Variants in CTH observed in about 807,000 individuals in gnomAD.
The protein encoded by CTH is cystathionine gamma-lyase, also known as cystathionase (cystathionine gamma-lyase).
Under a neutral mutation model 50.6 loss-of-function variants are expected in CTH, and 41 were observed. That is an observed-to-expected ratio of 0.81 (90% confidence interval 0.63 to 1.05). The LOEUF is 1.05. Among genes scored for constraint, CTH ranks in the 50% least tolerant of loss-of-function variants. The probability of loss-of-function intolerance (pLI) is 0.00; values close to 1 mark genes in which losing one functional copy is unlikely to be tolerated. For synonymous variants in CTH, 156 were observed against 168.9 expected, an observed-to-expected ratio of 0.92 and a Z score of 0.59; for missense variants, 470 against 492.6, an observed-to-expected ratio of 0.95 and a Z score of 0.43.
At chr1:70,437,990 C>G (rs1209711190) in intron 10 of CTH, among the ~76,000 whole-genome samples, 1 of 152,204 alleles carries the variant, frequency 6.6e-6, no homozygotes, top group South Asian at 2.1e-4. Context: ...ATTGTCATCG[C>G]TTTTACCTCC....
At chr1:70,414,843 A>G (rs1684054436) in intron 1 of CTH, among the ~76,000 whole-genome samples, 2 of 151,858 alleles carry the variant, frequency 1.3e-5, no homozygotes, top group Admixed American at 1.3e-4. Context: ...TTCCCGAGAC[A>G]GAGTCTCGCT....
intron 7 of CTH, among the ~76,000 whole-genome samples, chr1:70,431,438 C>T (rs1352085020): frequency 6.6e-6 from 1 of 151,902 alleles, no homozygotes; most frequent in Non-Finnish European, 1.5e-5. Context: ...TTACATTTTT[C>T]AATAGATGTC....
intron 10 of CTH, among the ~76,000 whole-genome samples, chr1:70,436,582 G>A (rs74085252): frequency 0.078 from 11,891 of 151,786 alleles, 541 homozygotes; most frequent in East Asian, 0.18. Flanking sequence ...GTGGAGAAAT[G>A]TCAGGTCCCA....
chr1:70,416,160 C>A, intron 2 of CTH, 123 bp downstream of exon 2: 1 of 680,496 alleles, frequency 1.5e-6, no homozygotes, highest in Non-Finnish European at 2.7e-6. Context: ...GTTCTACTGC[C>A]TTTGAATTCT....
At chr1:70,411,614 G>A (rs762423252) in intron 1 of CTH, 31 bp downstream of exon 1, 1 of 1,602,956 alleles carries the variant, frequency 6.2e-7, no homozygotes, top group African/African-American at 1.3e-5. Flanking sequence ...GCTGTCCACA[G>A]TTGGGCGGTA....
At position 70,432,105 on chromosome 1, in the gene CTH, TATTG is replaced by T. The variant is rs776956385; in HGVS notation, c.752_755del (p.Asp251ValfsTer8). 1 of 1,614,124 alleles carries T rather than the reference TATTG, an allele frequency of 6.2e-7. No individual in the cohort carries two copies. The highest frequency in any genetic ancestry group is 8.5e-7 in the Non-Finnish European group (1 of 1,180,006). On this transcript the variant is annotated frameshift_variant, in exon 8 of 12. Transcript: ENST00000370938. LOFTEE classifies it high-confidence loss of function. ...CAGCTCTTGGAGCAGTTCCATCTCC[TATTG>T]ATTGTTACCTCTGCAATCGAGGTCT...
In CTH at chr1:70,439,202, G is replaced by A. The variant is rs1684667249; in HGVS notation, c.*75G>A. 3 of 1,400,304 alleles carry A rather than the reference G, an allele frequency of 2.1e-6. No individual in the cohort carries two copies. In the South Asian group the frequency reaches 3.5e-5, roughly 16 times the overall value. 86.7% of individuals were successfully genotyped at this position (1,400,304 alleles called of 1,614,324 possible). On this transcript the variant is annotated 3_prime_UTR_variant, in exon 12 of 12. Coordinates refer to ENST00000370938, the MANE Select transcript of CTH (RefSeq NM_001902.6). ...CTGAGTAATTAAATGGACCAACAATGAGCCTTTGCAAAATTTTCAAGCGGA... is the reference window on the plus strand; with the variant it reads ...CTGAGTAATTAAATGGACCAACAATAAGCCTTTGCAAAATTTTCAAGCGGA...
In CTH at chr1:70,432,151, C is replaced by G; in HGVS notation, c.793C>G (p.Arg265Gly). The G allele has an allele frequency of 6.2e-7, 1 of 1,614,054 alleles. No homozygotes were observed. The highest frequency in any genetic ancestry group is 8.5e-7 in the Non-Finnish European group (1 of 1,179,982). ...TCGAGGTCTGAAGACTCTACATGTC[C>G]GAATGGAAAAGCATTTCAAAAACGG... ...CNRGLKTLHV[R>G]MEKHFKNGMA... The change falls in exon 8 of 12, where the codon CGA (arginine) becomes GGA (glycine). Residue 265 changes from arginine to glycine, a missense_variant. By Grantham distance (125) the Arg-to-Gly change is moderately radical (BLOSUM62 -2). Coordinates refer to ENST00000370938, the MANE Select transcript of CTH (RefSeq NM_001902.6).
intron 5 of CTH, among the ~76,000 whole-genome samples, chr1:70,427,705 T>C (rs1055454667): frequency 6.6e-6 from 1 of 152,136 alleles, no homozygotes; most frequent in Non-Finnish European, 1.5e-5. Flanking sequence ...GTTGATAATG[T>C]ATGTTTTTGT....
At chr1:70,420,615 C>A (rs145913678) in intron 3 of CTH, among the ~76,000 whole-genome samples, 1 of 152,120 alleles carries the variant, frequency 6.6e-6, no homozygotes, top group South Asian at 2.1e-4. Context: ...CTGTACCTGT[C>A]TGTGGCCTGG....
rs1477138123 is a variant in CTH, at chr1:70,430,361, A to C, written c.691A>C (p.Ser231Arg). 4 of 1,599,796 alleles carry C rather than the reference A, an allele frequency of 2.5e-6. No homozygotes were observed. The Admixed American group carries it at 6.7e-5, about 27-fold the overall frequency. ...VMGLVSVNCESLHNRLRFLQN... is the reference protein window; with the variant it reads ...VMGLVSVNCERLHNRLRFLQN... ...GGGCCTGGTGTCTGTTAATTGTGAA[A>C]GCCTTCATAATAGACTTCGTTTCTT... is the stretch of plus-strand genomic sequence containing the variant. The change falls in exon 7 of 12, where the codon AGC becomes CGC. Residue 231 changes from serine (S) to arginine (R), a missense_variant. Physicochemically the swap from Ser to Arg is moderately radical, Grantham distance 110 (BLOSUM62 -1). Transcript: ENST00000370938.
chr1:70,413,167 T>C (rs904371267), intron 1 of CTH, among the ~76,000 whole-genome samples: 1 of 152,172 alleles, frequency 6.6e-6, no homozygotes, highest in African/African-American at 2.4e-5. Flanking sequence ...TTTTGTGAGA[T>C]ACAGTTCTAA....
chr1:70,423,572 T>TA (rs11413197), intron 4 of CTH, among the ~76,000 whole-genome samples: 107,888 of 147,048 alleles, frequency 0.73, 39,499 homozygotes, highest in East Asian at 0.82. Flanking sequence ...CCCTGCTGCT[T>TA]AAAAAAAAAA....
intron 7 of CTH, 152 bp downstream of exon 7, chr1:70,430,546 T>A (rs1322449483): frequency 7.2e-6 from 4 of 556,080 alleles, no homozygotes; most frequent in Non-Finnish European, 1.3e-5. Flanking sequence ...TTTTATTTAT[T>A]AATTTTTTTT....
chr1:70,434,967 G>A, intron 9 of CTH, 158 bp from the exon 10 acceptor site: 1 of 495,352 alleles, frequency 2.0e-6, no homozygotes, highest in Non-Finnish European at 3.6e-6. Context: ...GGCCAGGCTG[G>A]TCTCGAACTC....
At chr1:70,429,055 G>A (rs1051569130) in intron 5 of CTH, among the ~76,000 whole-genome samples, 1 of 152,094 alleles carries the variant, frequency 6.6e-6, no homozygotes, top group Non-Finnish European at 1.5e-5. Context: ...TAAATTGCTG[G>A]GATTACAGGA....
rs1553126998 is a variant in CTH, at chr1:70,424,430, A to T, written c.588+14A>T. The T allele has an allele frequency of 1.9e-6, 3 of 1,612,814 alleles. No individual in the cohort carries two copies. The highest frequency in any genetic ancestry group is 1.7e-5 in the Admixed American group (1 of 59,962). ...CCATATTTCCAGGTAAATGAAAATA[A>T]TTTTTTTTGGCACAATTAGTAGACC... On this transcript the variant is annotated intron_variant, in intron 5 of 11. Transcript: ENST00000370938.
intron 2 of CTH, 41 bp from the exon 3 acceptor site, chr1:70,417,896 G>T (rs778658522): frequency 6.2e-7 from 1 of 1,609,352 alleles, no homozygotes; most frequent in East Asian, 2.2e-5. Context: ...TAACCTATAG[G>T]CCTGACTTTT....
intron 6 of CTH, among the ~76,000 whole-genome samples, 198 bp downstream of exon 6, chr1:70,430,049 G>A (rs1684430135): frequency 6.6e-6 from 1 of 152,122 alleles, no homozygotes; most frequent in Non-Finnish European, 1.5e-5. Flanking sequence ...ATGAGAAGAG[G>A]ATTAAAGTTG....
Sources: allele counts gnomAD v4.1 joint callset (sites outside exome capture counted in the v4.1 genomes callset), GRCh38; gene constraint gnomAD v4.1.1; transcripts MANE v1.5; gene names NCBI Gene and HGNC (gene_info 2026-07-23, HGNC 2026-07-21).